Variants in ANKRD26 observed in about 807,000 individuals in gnomAD.
The protein encoded by ANKRD26 is ankyrin repeat domain-containing protein 26.
Under a neutral mutation model 208.7 loss-of-function variants are expected in ANKRD26, and 141 were observed. That is an observed-to-expected ratio of 0.68 (90% CI 0.59 to 0.78). ANKRD26 has a LOEUF of 0.78. Among genes scored for constraint, ANKRD26 ranks in the 30% least tolerant of loss-of-function variants. The pLI, the probability that ANKRD26 is intolerant of heterozygous loss-of-function variation, is 0.00. For missense variants in ANKRD26, 1,889 were observed against 1,938.7 expected (o/e 0.97, Z 0.48); for synonymous variants, 636 against 660.4 (o/e 0.96, Z 0.57).
In ANKRD26 at chr10:27,005,269, T is replaced by A. The variant is rs1038836345; in HGVS notation, c.*321A>T. The A allele has an allele frequency of 1.9e-6, 2 of 1,076,204 alleles. No individual in the cohort carries two copies. Among genetic ancestry groups the A allele is most frequent in the Non-Finnish European group, 2.3e-6 (2 of 885,232 alleles). The allele number at this position is 1,076,204 out of a possible 1,614,324, so 66.7% of individuals were successfully genotyped here. A position where few individuals can be genotyped will look rare whatever the true frequency, so the allele number is the denominator to read the frequency against. ...GTCCAATTAGACATCTACCACTACATATAGTGATAAAAATTACAAAATACA... is the reference window on the plus strand; with the variant it reads ...GTCCAATTAGACATCTACCACTACAAATAGTGATAAAAATTACAAAATACA... On this transcript the variant is annotated 3_prime_UTR_variant, in exon 34 of 34. Transcript: ENST00000376087.
At chr10:27,099,894 T>C (rs1025552109) in intron 1 of ANKRD26, among the ~76,000 whole-genome samples, 191 bp downstream of exon 1, 23 of 152,112 alleles carry the variant, frequency 1.5e-4, no homozygotes, top group Non-Finnish European at 2.8e-4. Flanking sequence ...GGAAACCAGC[T>C]AGAGTTCTGT....
Position 27,048,884 on chromosome 10 carries a change from A to T in ANKRD26, c.1731T>A (p.Asp577Glu). The T allele has an allele frequency of 6.2e-7, 1 of 1,613,174 alleles. No homozygotes were observed. The highest frequency in any genetic ancestry group is 1.7e-4 in the Middle Eastern group (1 of 6,054). The change falls in exon 17 of 34, where the codon GAT (aspartate) becomes GAA (glutamate). Residue 577 changes from aspartate to glutamate, a missense_variant. Around this residue, in one of 3 missense-constraint regions of ANKRD26, gnomAD observed 1,272 missense variants for 1,273.8 expected, o/e 1.00. Transcript: ENST00000376087. Reference protein sequence around the residue: ...GATDDAEDDDDDDGLIQKRKS... With the variant: ...GATDDAEDDDEDDGLIQKRKS... ...TTCTTTTTTGAATTAATCCATCATCATCATCATCATCTTCAGCATCATCAG... is the reference window on the plus strand; with the variant it reads ...TTCTTTTTTGAATTAATCCATCATCTTCATCATCATCTTCAGCATCATCAG...
chr10:27,096,096 C>A (rs2056457006), intron 1 of ANKRD26, among the ~76,000 whole-genome samples: 1 of 152,176 alleles, frequency 6.6e-6, no homozygotes, highest in South Asian at 2.1e-4. Context: ...AACACAGGAG[C>A]CAAGCAGCTC....
chr10:27,023,950 G>T (rs559720038), intron 28 of ANKRD26, among the ~76,000 whole-genome samples: 1 of 119,786 alleles, frequency 8.3e-6, no homozygotes, highest in African/African-American at 2.6e-5. Context: ...CATGGGAAAT[G>T]AGTAAATTTT....
At chr10:27,026,759 G>A (rs188438423) in intron 27 of ANKRD26, among the ~76,000 whole-genome samples, 62 of 151,962 alleles carry the variant, frequency 4.1e-4, no homozygotes, top group Middle Eastern at 3.4e-3. Context: ...TGGATTACAC[G>A]GCCATCCTTT....
chr10:27,080,341 C>T (rs1219852243), intron 6 of ANKRD26, among the ~76,000 whole-genome samples: 1 of 152,012 alleles, frequency 6.6e-6, no homozygotes, highest in Non-Finnish European at 1.5e-5. Flanking sequence ...TTCCCTTCAC[C>T]CTAAAACAGT....
intron 6 of ANKRD26, among the ~76,000 whole-genome samples, chr10:27,082,436 C>T (rs1589359512): frequency 6.6e-6 from 1 of 152,188 alleles, no homozygotes; most frequent in African/African-American, 2.4e-5. Flanking sequence ...CTAAGAAAAA[C>T]TCTGAGAGTT....
At chr10:27,073,702 T>G (rs977238069) in intron 9 of ANKRD26, among the ~76,000 whole-genome samples, 1 of 152,058 alleles carries the variant, frequency 6.6e-6, no homozygotes, top group Non-Finnish European at 1.5e-5. Flanking sequence ...ATCCAGTAAA[T>G]AAAATACTGG....
intron 10 of ANKRD26, 84 bp from the exon 11 acceptor site, chr10:27,066,632 CT>C (rs1354136577): frequency 1.2e-6 from 1 of 816,288 alleles, no homozygotes; most frequent in Admixed American, 2.3e-5. Context: ...ATATACAAGT[CT>C]ATCTCCATTC....
chr10:27,060,923 C>A (rs1386674698), intron 13 of ANKRD26, among the ~76,000 whole-genome samples: 1 of 152,156 alleles, frequency 6.6e-6, no homozygotes, highest in Non-Finnish European at 1.5e-5. Flanking sequence ...AATGCGACAG[C>A]ATATCTTTAA....
At chr10:26,975,842 AAAAT>A (rs931898692) in exon 6 of ANKRD26, among the ~76,000 whole-genome samples, 1 of 151,568 alleles carries the variant, frequency 6.6e-6, no homozygotes. Context: ...TATCCACCTT[AAAAT>A]AAATAAATAA....
At chr10:26,974,437 T>G (rs911207775) in exon 6 of ANKRD26, among the ~76,000 whole-genome samples, 3 of 151,068 alleles carry the variant, frequency 2.0e-5, no homozygotes, top group Non-Finnish European at 4.4e-5. Context: ...GCCTCCCGGG[T>G]TCACACCATT....
chr10:27,072,266 C>A (rs954969995), intron 9 of ANKRD26, among the ~76,000 whole-genome samples: 1 of 152,344 alleles, frequency 6.6e-6, no homozygotes, highest in Admixed American at 6.5e-5. Flanking sequence ...TGAGACCTGC[C>A]TTGCCAAGCC....
At chr10:27,029,723 A>G (rs1453496066) in intron 25 of ANKRD26, among the ~76,000 whole-genome samples, 2 of 152,240 alleles carry the variant, frequency 1.3e-5, no homozygotes, top group African/African-American at 4.8e-5. Flanking sequence ...ATATTTTTGC[A>G]TTCCAAGCAC....
intron 9 of ANKRD26, among the ~76,000 whole-genome samples, chr10:27,072,508 A>G (rs887838532): frequency 6.6e-6 from 1 of 152,186 alleles, no homozygotes; most frequent in Non-Finnish European, 1.5e-5. Flanking sequence ...CCATGGTAGC[A>G]TAACACAATG....
intron 5 of ANKRD26, among the ~76,000 whole-genome samples, chr10:26,976,747 C>T (rs1230561437): frequency 6.6e-6 from 1 of 152,148 alleles, no homozygotes; most frequent in Non-Finnish European, 1.5e-5. Flanking sequence ...AAAGGACTTT[C>T]TCGTGGCACA....
In ANKRD26 at chr10:27,006,939, AT is replaced by A. The variant is rs762275496; in HGVS notation, c.4976del (p.Asn1659IlefsTer2). 5.0e-6 allele frequency: 8 copies of A among 1,609,884 alleles called. No homozygotes were observed. Among genetic ancestry groups the A allele is most frequent in the Admixed American group, 1.7e-5 (1 of 59,962 alleles). On this transcript the variant is annotated frameshift_variant, in exon 33 of 34. Coordinates refer to ENST00000376087, the MANE Select transcript of ANKRD26 (RefSeq NM_014915.3). LOFTEE classifies it low-confidence loss of function (END_TRUNC). ...LSKMQQELEKNITRELKEAAA... is the reference protein window; with the variant it reads ...LSKMQQELEKXITRELKEAAA... ...TACCTTCTTTGAGTTCTCTAGTTAT[AT>A]TTTTTTCCAACTCCTGCTGCATCTG...
At chr10:27,022,035 C>T (rs769054576) in intron 29 of ANKRD26, among the ~76,000 whole-genome samples, 108 of 152,116 alleles carry the variant, frequency 7.1e-4, no homozygotes, top group Non-Finnish European at 1.1e-3. Flanking sequence ...TGTAGAAGCT[C>T]TTTAGTTTAA....
chr10:27,003,970 G>T (rs923429643), downstream of ANKRD26: 1 of 152,102 alleles, frequency 6.6e-6, no homozygotes, highest in African/African-American at 2.4e-5. Flanking sequence ...CAAAATCTGC[G>T]TAAGGTCTAT....
Sources: allele counts gnomAD v4.1 joint callset (sites outside exome capture counted in the v4.1 genomes callset), GRCh38; gene constraint gnomAD v4.1.1; regional missense constraint gnomAD v4.1.1; transcripts MANE v1.5; gene names NCBI Gene and HGNC (gene_info 2026-07-23, HGNC 2026-07-21).